The following LOC400499 variants were observed in gnomAD, a reference collection of about 807,000 sequenced individuals.
chr16:11,401,050 G>C, the LOC400499 span, among the ~76,000 whole-genome samples: 2 of 152,196 alleles, frequency 1.3e-5, no homozygotes, highest in Admixed American at 6.5e-5. Flanking sequence ...ACACCGCCTG[G>C]TATACAGTAG....
the LOC400499 span, among the ~76,000 whole-genome samples, chr16:11,438,298 G>C: frequency 6.6e-6 from 1 of 152,128 alleles, no homozygotes; most frequent in Non-Finnish European, 1.5e-5. Flanking sequence ...AAAAGCAAAA[G>C]GTTGCTAGTG....
At chr16:11,493,081 A>T in the LOC400499 span, among the ~76,000 whole-genome samples, 1 of 152,126 alleles carries the variant, frequency 6.6e-6, no homozygotes, top group East Asian at 1.9e-4. Flanking sequence ...GAGGGATGGG[A>T]GGTGACAGGA....
chr16:11,485,398 G>A, the LOC400499 span, among the ~76,000 whole-genome samples: 2 of 152,126 alleles, frequency 1.3e-5, no homozygotes, highest in Non-Finnish European at 2.9e-5. Context: ...AATATACTCA[G>A]ACTGGAATGT....
the LOC400499 span, among the ~76,000 whole-genome samples, chr16:11,518,504 G>A: frequency 6.6e-5 from 10 of 152,016 alleles, no homozygotes; most frequent in Admixed American, 2.0e-4. Context: ...CCCATTAGCC[G>A]GAGTCTTCCA....
the LOC400499 span, among the ~76,000 whole-genome samples, chr16:11,429,833 A>C: frequency 6.6e-6 from 1 of 152,168 alleles, no homozygotes; most frequent in South Asian, 2.1e-4. Flanking sequence ...GGCAATCATC[A>C]TAACAGTAAC....
chr16:11,387,379 G>A, the LOC400499 span: 2 of 1,123,874 alleles, frequency 1.8e-6, no homozygotes, highest in Non-Finnish European at 2.2e-6. Flanking sequence ...TAGGTCTGCA[G>A]GAAGAGCTCT....
At chr16:11,449,006 G>A in the LOC400499 span, 16 of 1,525,048 alleles carry the variant, frequency 1.0e-5, no homozygotes, top group African/African-American at 1.9e-4. Flanking sequence ...GGTCCCGGCT[G>A]TTCTCAGCAT....
At chr16:11,457,864 A>G in the LOC400499 span, among the ~76,000 whole-genome samples, 1 of 152,174 alleles carries the variant, frequency 6.6e-6, no homozygotes, top group South Asian at 2.1e-4. Context: ...ACATGCTACG[A>G]TATGGATGAA....
chr16:11,430,807 C>T, the LOC400499 span, among the ~76,000 whole-genome samples: 1,740 of 152,290 alleles, frequency 0.011, 11 homozygotes, highest in Non-Finnish European at 0.019. Context: ...TCTGACAAGT[C>T]CTGCATAAGG....
At chr16:11,376,941 CTT>C in the LOC400499 span, among the ~76,000 whole-genome samples, 1 of 142,908 alleles carries the variant, frequency 7.0e-6, no homozygotes, top group African/African-American at 2.6e-5. Context: ...TGTAAATGGA[CTT>C]TTTTTTTTTT....
At chr16:11,514,804 G>A in the LOC400499 span, among the ~76,000 whole-genome samples, 4,723 of 152,300 alleles carry the variant, frequency 0.031, 160 homozygotes, top group East Asian at 0.18. Flanking sequence ...CTAGCAGACA[G>A]TGACCCCCCA....
chr16:11,464,937 T>C, the LOC400499 span, among the ~76,000 whole-genome samples: 3 of 152,196 alleles, frequency 2.0e-5, no homozygotes, highest in Non-Finnish European at 2.9e-5. Context: ...GGTGGAGCTT[T>C]AGGAGGAAGA....
At chr16:11,490,817 G>A in the LOC400499 span, among the ~76,000 whole-genome samples, 1 of 152,216 alleles carries the variant, frequency 6.6e-6, no homozygotes, top group Non-Finnish European at 1.5e-5. Context: ...AAGTTCTGAT[G>A]TAATACACAG....
chr16:11,414,181 T>C, the LOC400499 span, among the ~76,000 whole-genome samples: 1 of 152,252 alleles, frequency 6.6e-6, no homozygotes, highest in East Asian at 1.9e-4. Context: ...CAGACCTGGT[T>C]ATAGCGATTA....
chr16:11,415,885 G>A, the LOC400499 span, among the ~76,000 whole-genome samples: 3 of 152,060 alleles, frequency 2.0e-5, no homozygotes, highest in Admixed American at 6.5e-5. Context: ...ATTTCCCCAT[G>A]TGATCCTGTC....
chr16:11,419,844 T>C, the LOC400499 span, among the ~76,000 whole-genome samples: 2 of 151,396 alleles, frequency 1.3e-5, no homozygotes, highest in Non-Finnish European at 2.9e-5. Context: ...CATGAAAAAA[T>C]GCTCATCATC....
chr16:11,386,871 C>T, the LOC400499 span, among the ~76,000 whole-genome samples: 5 of 152,228 alleles, frequency 3.3e-5, no homozygotes, highest in Admixed American at 1.3e-4. Context: ...CAGCAGTGCC[C>T]GCAGGGAGGG....
chr16:11,450,356 C>G, the LOC400499 span, among the ~76,000 whole-genome samples: 1 of 152,228 alleles, frequency 6.6e-6, no homozygotes, highest in Non-Finnish European at 1.5e-5. Flanking sequence ...GACTTGCTTT[C>G]CTATTTTATA....
At chr16:11,489,001 G>A in the LOC400499 span, 1 of 395,824 alleles carries the variant, frequency 2.5e-6, no homozygotes, top group Non-Finnish European at 4.4e-6. Flanking sequence ...TCAGGAGTCT[G>A]GCTACAGAGA....
Sources: gnomAD v4.1 joint callset for allele counts (sites outside exome capture counted in the v4.1 genomes callset) on GRCh38, gnomAD v4.1.1 for gene constraint, MANE v1.5 for transcripts.